Variants in EZH1 observed in about 807,000 individuals in gnomAD.
EZH1 encodes the protein enhancer of zeste 1 polycomb repressive complex 2 subunit, also known as histone-lysine N-methyltransferase EZH1.
EZH1 carries 33 observed loss-of-function variants against 100.5 expected under a neutral mutation model. The ratio of observed to expected loss-of-function variants is 0.33; its 90% CI spans 0.25 to 0.44. The LOEUF (loss-of-function observed/expected upper bound fraction) is 0.44. Ranked by LOEUF, EZH1 falls within the 20% of genes least tolerant of loss-of-function variation. The probability of loss-of-function intolerance (pLI) is 1.00; values close to 1 mark genes in which losing one functional copy is unlikely to be tolerated. For synonymous variants in EZH1, 272 were observed against 313.8 expected, an observed-to-expected ratio of 0.87 and a Z score of 1.41; for missense variants, 475 against 928.4, an observed-to-expected ratio of 0.51 and a Z score of 6.35.
intron 1 of EZH1, among the ~76,000 whole-genome samples, chr17:42,737,943 G>T (rs557262839): frequency 6.8e-4 from 103 of 152,062 alleles, no homozygotes; most frequent in Admixed American, 6.6e-3. Context: ...TTGGGAGGCC[G>T]AGACAGGCGG....
chr17:42,727,310 T>G (rs2053840219), intron 4 of EZH1, among the ~76,000 whole-genome samples: 1 of 152,200 alleles, frequency 6.6e-6, no homozygotes, highest in Admixed American at 6.6e-5. Context: ...TGGAGTGTTG[T>G]GGTGAAATCA....
intron 1 of EZH1, among the ~76,000 whole-genome samples, chr17:42,737,815 A>C (rs1188909303): frequency 6.6e-6 from 1 of 152,184 alleles, no homozygotes; most frequent in African/African-American, 2.4e-5. Flanking sequence ...TGCAAAGGCT[A>C]AAACTAGAAT....
At chr17:42,738,801 C>T in intron 1 of EZH1, among the ~76,000 whole-genome samples, 1 of 145,914 alleles carries the variant, frequency 6.9e-6, no homozygotes, top group Non-Finnish European at 1.5e-5. Context: ...ACTCTGTCAC[C>T]CAGGCTGGAG....
At chr17:42,729,075 A>T in intron 2 of EZH1, 123 bp from the exon 3 acceptor site, 3 of 1,035,246 alleles carry the variant, frequency 2.9e-6, no homozygotes, top group Non-Finnish European at 4.1e-6. Context: ...ATAAAAACAC[A>T]CATTTAAAGA....
chr17:42,730,932 AACAG>A lies in EZH1; in HGVS notation c.-102-18_-102-15del. 1 of 982,674 alleles carries A rather than the reference AACAG, an allele frequency of 1.0e-6. No homozygotes were observed. The highest frequency in any genetic ancestry group is 1.2e-6 in the Non-Finnish European group (1 of 827,390). The allele number at this position is 982,674 out of a possible 1,614,324, so 60.9% of individuals were successfully genotyped here. A position where few individuals can be genotyped will look rare whatever the true frequency, so the allele number is the denominator to read the frequency against. On this transcript the variant is annotated splice_polypyrimidine_tract_variant and intron_variant, in intron 1 of 20. Transcript: ENST00000428826. ...ACAGGTGTCCAGCTTTTCAAAAGAG[AACAG>A]ACAGTGGTTCTATTAAGTTAGTGCA...
At chr17:42,709,989 A>G in intron 12 of EZH1, 52 bp from the exon 13 acceptor site, 1 of 1,549,198 alleles carries the variant, frequency 6.5e-7, no homozygotes, top group African/African-American at 1.4e-5. Flanking sequence ...GGGGTCAGGT[A>G]AGTGGCCCAG....
intron 1 of EZH1, among the ~76,000 whole-genome samples, chr17:42,737,265 C>T (rs2054083446): frequency 6.6e-6 from 1 of 152,186 alleles, no homozygotes; most frequent in African/African-American, 2.4e-5. Context: ...GGATTACAGG[C>T]GTGAGCCACC....
At chr17:42,743,404 C>T (rs994921262) in intron 1 of EZH1, among the ~76,000 whole-genome samples, 1 of 151,078 alleles carries the variant, frequency 6.6e-6, no homozygotes, top group Non-Finnish European at 1.5e-5. Flanking sequence ...CTCCTGGGCT[C>T]GAGTGAACGG....
intron 1 of EZH1, among the ~76,000 whole-genome samples, chr17:42,734,411 C>T (rs1003613495): frequency 1.3e-5 from 2 of 152,054 alleles, no homozygotes; most frequent in Middle Eastern, 3.4e-3. Context: ...TTCCTATTTT[C>T]CTTTTTGAAA....
rs867508196 is a variant in EZH1, at chr17:42,728,916, G to A, written c.26C>T (p.Ser9Phe). 3 of 1,613,074 alleles carry A rather than the reference G, an allele frequency of 1.9e-6. No individual in the cohort carries two copies. Among genetic ancestry groups the A allele is most frequent in the Admixed American group, 1.7e-5 (1 of 59,890 alleles). The change falls in exon 3 of 21, where the codon TCC becomes TTC. Residue 9 changes from serine (S) to phenylalanine (F), a missense_variant. By Grantham distance (155) the Ser-to-Phe change is radical. Coordinates refer to ENST00000428826, the MANE Select transcript of EZH1 (RefSeq NM_001991.5). ...TCTTTTCCAGTAAGTGATACATTTG[G>A]AGGTAGGGGGATTTGGTATTTCCAT... MEIPNPPT[S>F]KCITYWKRKV...
intron 1 of EZH1, 114 bp downstream of exon 1, chr17:42,744,897 C>T: frequency 8.9e-7 from 1 of 1,129,234 alleles, no homozygotes; most frequent in Non-Finnish European, 1.1e-6. Flanking sequence ...GCAGTGTGTC[C>T]CTCGGATTCC....
chr17:42,733,215 T>C (rs937949761), intron 1 of EZH1, among the ~76,000 whole-genome samples: 11 of 150,260 alleles, frequency 7.3e-5, no homozygotes, highest in Admixed American at 6.7e-4. Flanking sequence ...CGCATGCCTA[T>C]AATCCCAGCT....
At chr17:42,726,806 G>A (rs186670364) in intron 4 of EZH1, among the ~76,000 whole-genome samples, 325 of 151,914 alleles carry the variant, frequency 2.1e-3, no homozygotes, top group African/African-American at 7.2e-3. Flanking sequence ...GAGCCACCGC[G>A]TCCAGCCAAA....
intron 1 of EZH1, among the ~76,000 whole-genome samples, chr17:42,738,104 A>T (rs1160953269): frequency 1.4e-5 from 2 of 147,626 alleles, no homozygotes; most frequent in Admixed American, 1.4e-4. Context: ...TGAACCCAGG[A>T]GGCGGAGCTT....
chr17:42,717,400 A>G (rs759588082), intron 10 of EZH1, among the ~76,000 whole-genome samples: 41 of 152,200 alleles, frequency 2.7e-4, no homozygotes, highest in Non-Finnish European at 5.9e-4. Context: ...AATTTTATCA[A>G]GGTATTTTAT....
In EZH1 at chr17:42,702,515, C is replaced by A; in HGVS notation, c.*17G>T. On this transcript the variant is annotated 3_prime_UTR_variant, in exon 21 of 21. Coordinates refer to ENST00000428826, the MANE Select transcript of EZH1 (RefSeq NM_001991.5). ...ACAGTGCCGCTACCATAAGTGCTGC[C>A]GTGGGGCCTGGGAGGGCTAAAGGAC... 7.5e-7 allele frequency: 1 copy of A among 1,335,016 alleles called. No homozygotes were observed. Among genetic ancestry groups the A allele is most frequent in the Non-Finnish European group, 1.0e-6 (1 of 970,804 alleles). 82.7% of individuals were successfully genotyped at this position (1,335,016 alleles called of 1,614,324 possible). A position where few individuals can be genotyped will look rare whatever the true frequency, so the allele number is the denominator to read the frequency against.
rs957770140 is a variant in EZH1 at position 42,728,080 on chromosome 17, G to C, written c.118-317C>G. ...GATCTGCCTGCCTCAGCCTCCCAAA[G>C]TGCTGGAATTACAGGCATGAGCCAC... On this transcript the variant is annotated intron_variant, in intron 3 of 20. Coordinates refer to ENST00000428826, the MANE Select transcript of EZH1 (RefSeq NM_001991.5). 7.4e-5 allele frequency among the ~76,000 whole-genome samples: 11 copies of C among 148,156 alleles called. No individual in the cohort carries two copies. The Admixed American group carries it at 7.5e-4, about 10-fold the overall frequency.
chr17:42,707,886 G>A, intron 15 of EZH1, 72 bp downstream of exon 15: 1 of 1,596,994 alleles, frequency 6.3e-7, no homozygotes, highest in Non-Finnish European at 8.6e-7. Context: ...AAGGGCACAG[G>A]AATGGGGCAA....
At chr17:42,744,966 G>A (rs1377873666) in intron 1 of EZH1, 45 bp downstream of exon 1, 7 of 1,254,856 alleles carry the variant, frequency 5.6e-6, no homozygotes, top group South Asian at 1.3e-5. Context: ...GCGAGGGGAG[G>A]AGGCCCGGCC....
Sources: allele counts gnomAD v4.1 joint callset (sites outside exome capture counted in the v4.1 genomes callset), GRCh38; gene constraint gnomAD v4.1.1; transcripts MANE v1.5; gene names NCBI Gene and HGNC (gene_info 2026-07-23, HGNC 2026-07-21).